LRRC72: variants seen among roughly 807,000 people sequenced by gnomAD.
LRRC72 encodes leucine rich repeat containing 72, also known as leucine-rich repeat-containing protein 72.
In LRRC72, 41 loss-of-function variants were observed where a neutral mutation model predicts 35.8. That is an observed-to-expected ratio of 1.15 (90% CI 0.89 to 1.49). The LOEUF (loss-of-function observed/expected upper bound fraction) is 1.49. Among genes scored for constraint, LRRC72 ranks in the 40% most tolerant of loss-of-function variants. The pLI is 0.00. For synonymous variants in LRRC72, 118 were observed against 119.2 expected (o/e 0.99, Z 0.07); for missense variants, 389 against 330.7 (o/e 1.18, Z -1.37).
In LRRC72 at chr7:16,580,347, A is replaced by G. The variant is rs187298562; in HGVS notation, c.698+246A>G. The stretch of plus-strand genomic sequence containing the variant: ...TAAGCAAAAAGATAATTTGATGCTT[A>G]AAAAAATAAACCTCGCCAGGCGCAG... On this transcript the variant is annotated intron_variant, in intron 8 of 8. Coordinates refer to ENST00000401542, the MANE Select transcript of LRRC72 (RefSeq NM_001195280.2). Among the ~76,000 whole-genome samples, 3 of 152,294 alleles carry G rather than the reference A, an allele frequency of 2.0e-5. No individual in the cohort carries two copies. In the East Asian group the frequency reaches 5.8e-4, roughly 29 times the overall value.
intron 3 of LRRC72, among the ~76,000 whole-genome samples, chr7:16,554,839 G>C (rs1454113553): frequency 6.6e-6 from 1 of 152,184 alleles, no homozygotes; most frequent in Admixed American, 6.5e-5. Flanking sequence ...TGTTCTTCTT[G>C]TTTTAATGAG....
intron 3 of LRRC72, among the ~76,000 whole-genome samples, chr7:16,547,360 T>C (rs1782465897): frequency 1.3e-5 from 2 of 152,018 alleles, no homozygotes; most frequent in African/African-American, 4.8e-5. Context: ...GGTGGTGCCA[T>C]GCTCCACGGA....
Position 16,527,054 on chromosome 7 carries a change from C to G in LRRC72, c.90+12C>G. 1.3e-6 allele frequency: 2 copies of G among 1,536,614 alleles called. No individual in the cohort carries two copies. Among genetic ancestry groups the G allele is most frequent in the Non-Finnish European group, 1.7e-6 (2 of 1,146,306 alleles). On this transcript the variant is annotated intron_variant, in intron 1 of 8. Transcript: ENST00000401542. ...AGAGCAGTCGCCGGGTAAGCGGCAC[C>G]TGCCTTCCCAAGCCATCAGCCCCTT... is the stretch of plus-strand genomic sequence containing the variant.
At chr7:16,556,536 G>C (rs13247865) in intron 3 of LRRC72, among the ~76,000 whole-genome samples, 71,728 of 151,988 alleles carry the variant, frequency 0.47, 17,414 homozygotes, top group South Asian at 0.53. Flanking sequence ...TTAGCACTGC[G>C]CCTGATCTGG....
At chr7:16,568,859 C>T (rs1308181228) in intron 7 of LRRC72, among the ~76,000 whole-genome samples, 2 of 152,016 alleles carry the variant, frequency 1.3e-5, no homozygotes, top group Non-Finnish European at 1.5e-5. Flanking sequence ...AAACAGTGAT[C>T]GAAAGTTTTT....
chr7:16,557,815 C>G (rs11761849), intron 4 of LRRC72, among the ~76,000 whole-genome samples: 33,131 of 151,962 alleles, frequency 0.22, 3,783 homozygotes, highest in Non-Finnish European at 0.24. Flanking sequence ...CCTGCTTTGA[C>G]CCTGAATTAA....
chr7:16,530,188 T>C (rs1180073049), intron 1 of LRRC72: 1 of 152,230 alleles, frequency 6.6e-6, no homozygotes, highest in Non-Finnish European at 1.5e-5. Flanking sequence ...TTGACTCACT[T>C]GATTACGGAG....
intron 3 of LRRC72, among the ~76,000 whole-genome samples, chr7:16,542,791 T>C (rs1011966696): frequency 6.6e-6 from 1 of 152,230 alleles, no homozygotes; most frequent in Non-Finnish European, 1.5e-5. Context: ...TTTTTAGGAA[T>C]AGAATGTGAG....
chr7:16,534,294 TTGAC>T (rs1376461727), intron 2 of LRRC72, among the ~76,000 whole-genome samples: 7 of 152,188 alleles, frequency 4.6e-5, no homozygotes, highest in Admixed American at 2.0e-4. Context: ...TCATTATCCT[TTGAC>T]TGGCCTCACC....
chr7:16,554,307 G>A (rs1379195985), intron 3 of LRRC72, among the ~76,000 whole-genome samples: 1 of 152,232 alleles, frequency 6.6e-6, no homozygotes, highest in Non-Finnish European at 1.5e-5. Flanking sequence ...TCCAGCCTGG[G>A]TGACAGAGTG....
chr7:16,528,267 G>A (rs548012216), intron 1 of LRRC72, among the ~76,000 whole-genome samples: 13 of 151,570 alleles, frequency 8.6e-5, no homozygotes, highest in South Asian at 2.1e-4. Flanking sequence ...ACACTTCATC[G>A]TGATCTTCCT....
At chr7:16,556,826 C>G (rs1003383382) in intron 3 of LRRC72, among the ~76,000 whole-genome samples, 6 of 152,190 alleles carry the variant, frequency 3.9e-5, no homozygotes, top group Admixed American at 2.0e-4. Context: ...GCAGGCCACT[C>G]ATGCACGGTT....
intron 5 of LRRC72, among the ~76,000 whole-genome samples, chr7:16,565,531 C>CT (rs950204044): frequency 2.0e-5 from 3 of 151,880 alleles, no homozygotes; most frequent in Admixed American, 2.0e-4. Context: ...GGGAAAATAT[C>CT]TTTTTTTAAA....
intron 3 of LRRC72, among the ~76,000 whole-genome samples, chr7:16,548,374 G>A (rs1047662458): frequency 5.9e-5 from 9 of 152,348 alleles, no homozygotes; most frequent in Non-Finnish European, 1.0e-4. Context: ...ACAAGAAGGA[G>A]AGAAGAGAGA....
chr7:16,580,369 G>A lies in LRRC72; in HGVS notation c.698+268G>A, dbSNP rs1306142422. ...CTTAAAAAAATAAACCTCGCCAGGC[G>A]CAGTGGCTCATGCCTGTAATCCCTG... On this transcript the variant is annotated intron_variant, in intron 8 of 8. Coordinates refer to ENST00000401542, the MANE Select transcript of LRRC72 (RefSeq NM_001195280.2). 1.3e-5 allele frequency among the ~76,000 whole-genome samples: 2 copies of A among 152,160 alleles called. 1 individual carries two copies. The highest frequency in any genetic ancestry group is 2.9e-5 in the Non-Finnish European group (2 of 68,032).
intron 7 of LRRC72, among the ~76,000 whole-genome samples, chr7:16,574,820 A>T (rs1562754688): frequency 6.6e-6 from 1 of 151,766 alleles, no homozygotes; most frequent in Admixed American, 6.6e-5. Flanking sequence ...TATATATTTT[A>T]TACTTGTCTA....
intron 1 of LRRC72, among the ~76,000 whole-genome samples, chr7:16,529,869 A>G (rs923390117): frequency 3.1e-4 from 47 of 152,182 alleles, no homozygotes; most frequent in Non-Finnish European, 1.3e-4. Context: ...TATCAAATTA[A>G]TATGTGGTTA....
chr7:16,544,283 G>GA, intron 3 of LRRC72, among the ~76,000 whole-genome samples: 1 of 152,148 alleles, frequency 6.6e-6, no homozygotes, highest in East Asian at 1.9e-4. Flanking sequence ...ACTAGCTGAT[G>GA]AAAAAGCACA....
At chr7:16,543,742 G>A (rs149340616) in intron 3 of LRRC72, among the ~76,000 whole-genome samples, 426 of 152,288 alleles carry the variant, frequency 2.8e-3, no homozygotes, top group Non-Finnish European at 4.5e-3. Context: ...TTCCTAAAAG[G>A]GAGTACTAGA....
Sources: gnomAD v4.1 joint callset for allele counts (sites outside exome capture counted in the v4.1 genomes callset) on GRCh38, gnomAD v4.1.1 for gene constraint, MANE v1.5 for transcripts, NCBI Gene and HGNC (gene_info 2026-07-23, HGNC 2026-07-21) for gene names.